TENM3: variants seen among roughly 807,000 people sequenced by gnomAD.
TENM3 encodes the protein teneurin transmembrane protein 3, also known as teneurin-3.
TENM3 carries 63 observed loss-of-function variants against 255.1 expected under a neutral mutation model. The ratio of observed to expected loss-of-function variants is 0.25; its 90% confidence interval spans 0.20 to 0.30. The LOEUF (loss-of-function observed/expected upper bound fraction) is 0.30. Ranked by LOEUF, TENM3 falls within the 10% of genes least tolerant of loss-of-function variation. The pLI is 1.00. For synonymous variants in TENM3, 1,306 were observed against 1,322.3 expected (o/e 0.99, Z 0.27); for missense variants, 2,929 against 3,461.1 (o/e 0.85, Z 3.86).
intron 3 of TENM3, among the ~76,000 whole-genome samples, chr4:182,493,757 A>G (rs542053832): frequency 6.6e-6 from 1 of 152,136 alleles, no homozygotes; most frequent in African/African-American, 2.4e-5. Context: ...TAATGCTAAG[A>G]CTTGATTTCA....
rs147743117 is a variant in TENM3 at position 182,661,517 on chromosome 4, G to A, written c.1111+7624G>A. ...CATAGTACTTGTGTTATTACAATGT[G>A]TAATAGCTCCTTAATTAGATGCTAT... is the stretch of plus-strand genomic sequence containing the variant. On this transcript the variant is annotated intron_variant, in intron 6 of 27. Coordinates refer to ENST00000511685, the MANE Select transcript of TENM3 (RefSeq NM_001080477.4). Among the ~76,000 whole-genome samples, 12 of 152,230 alleles carry A rather than the reference G, an allele frequency of 7.9e-5. No homozygotes were observed. In the East Asian group the frequency reaches 2.3e-3, roughly 29 times the overall value.
intron 3 of TENM3, among the ~76,000 whole-genome samples, chr4:182,526,713 T>C (rs1002209128): frequency 6.6e-6 from 1 of 152,234 alleles, no homozygotes; most frequent in Non-Finnish European, 1.5e-5. Context: ...ACTAATTTAC[T>C]GTGGAGCCTC....
chr4:181,641,784 CATATATATATACACACACACCATAT>C, the TENM3 span, among the ~76,000 whole-genome samples: 1 of 62,968 alleles, frequency 1.6e-5, no homozygotes, highest in African/African-American at 6.4e-5. Context: ...ATACACACAC[CATATATATATACACACACACCATAT>C]ATATATATAT....
chr4:181,530,804 T>G, the TENM3 span, among the ~76,000 whole-genome samples: 1 of 152,216 alleles, frequency 6.6e-6, no homozygotes, highest in Non-Finnish European at 1.5e-5. Context: ...TGTATGTGTG[T>G]GCGTGCATGT....
chr4:181,916,713 C>A, the TENM3 span, among the ~76,000 whole-genome samples: 1 of 151,984 alleles, frequency 6.6e-6, no homozygotes, highest in Non-Finnish European at 1.5e-5. Context: ...CCCGTCTCTA[C>A]TAAAATTACA....
At chr4:182,224,423 G>A (rs1015284236) in intron 1 of TENM3, among the ~76,000 whole-genome samples, 2 of 152,152 alleles carry the variant, frequency 1.3e-5, no homozygotes, top group African/African-American at 2.4e-5. Flanking sequence ...TAGCCTAGCC[G>A]ACTCTGTCAA....
chr4:182,775,038 C>A lies in TENM3; in HGVS notation c.5189C>A (p.Thr1730Lys). ...GTTCTGGCTGGCACCGCTAATCCGACGGTTGCCAAAAGAAACATGACTTTG... is the reference window on the plus strand; with the variant it reads ...GTTCTGGCTGGCACCGCTAATCCGAAGGTTGCCAAAAGAAACATGACTTTG... ...PHVLAGTANPTVAKRNMTLPG... is the reference protein window; with the variant it reads ...PHVLAGTANPKVAKRNMTLPG... Residue 1730 changes from threonine to lysine, a missense_variant, in exon 24 of 28, where the codon ACG becomes AAG. Thr to Lys is a moderately conservative substitution (Grantham distance 78). Transcript: ENST00000511685. 1 of 1,613,974 alleles carries A rather than the reference C, an allele frequency of 6.2e-7. No homozygotes were observed. The highest frequency in any genetic ancestry group is 8.5e-7 in the Non-Finnish European group (1 of 1,179,880).
chr4:181,448,154 A>ATTTTTTTTT, the TENM3 span, among the ~76,000 whole-genome samples: 17 of 90,120 alleles, frequency 1.9e-4, no homozygotes, highest in African/African-American at 6.7e-4. Flanking sequence ...AAATCCAGTA[A>ATTTTTTTTT]TTTTTTTTTT....
At chr4:181,632,845 T>C in the TENM3 span, among the ~76,000 whole-genome samples, 2 of 152,202 alleles carry the variant, frequency 1.3e-5, no homozygotes, top group African/African-American at 4.8e-5. Context: ...CCCTTTTGAG[T>C]TGGAAATCTC....
intron 4 of TENM3, among the ~76,000 whole-genome samples, chr4:182,612,886 T>C (rs948670469): frequency 6.6e-6 from 1 of 152,226 alleles, no homozygotes; most frequent in African/African-American, 2.4e-5. Flanking sequence ...TTCTGCCTTG[T>C]TTTGTTTTGT....
the TENM3 span, among the ~76,000 whole-genome samples, chr4:181,751,837 T>A: frequency 6.6e-6 from 1 of 152,144 alleles, no homozygotes; most frequent in Non-Finnish European, 1.5e-5. Flanking sequence ...TTTGTCATGA[T>A]CTTTTGTTGG....
chr4:181,605,596 A>AGAAAGAAAGAAAGAAAG, the TENM3 span, among the ~76,000 whole-genome samples: 2 of 131,196 alleles, frequency 1.5e-5, no homozygotes, highest in African/African-American at 5.4e-5. Flanking sequence ...AAAGAAAGAA[A>AGAAAGAAAGAAAGAAAG]GAAAGAAAGA....
At chr4:181,974,156 A>G in the TENM3 span, among the ~76,000 whole-genome samples, 8 of 152,328 alleles carry the variant, frequency 5.3e-5, no homozygotes, top group African/African-American at 1.9e-4. Context: ...GGCTTGTCTC[A>G]GTCATTGGCT....
the TENM3 span, among the ~76,000 whole-genome samples, chr4:181,702,687 C>T: frequency 6.6e-6 from 1 of 152,036 alleles, no homozygotes; most frequent in African/African-American, 2.4e-5. Flanking sequence ...ATAATGTAAA[C>T]ATATAAAAAC....
chr4:182,057,996 A>G, the TENM3 span, among the ~76,000 whole-genome samples: 2 of 152,102 alleles, frequency 1.3e-5, no homozygotes, highest in African/African-American at 2.4e-5. Flanking sequence ...TTAAATATCT[A>G]AAAGAGCCAT....
chr4:182,118,647 T>G, the TENM3 span, among the ~76,000 whole-genome samples: 2 of 152,172 alleles, frequency 1.3e-5, no homozygotes, highest in South Asian at 4.1e-4. Context: ...GTTCCTAGTT[T>G]ACTGAGAGGT....
chr4:181,461,923 G>T, the TENM3 span, among the ~76,000 whole-genome samples: 2 of 118,686 alleles, frequency 1.7e-5, no homozygotes, highest in African/African-American at 6.4e-5. Flanking sequence ...TAGTAATTTT[G>T]AATTGAATGC....
the TENM3 span, among the ~76,000 whole-genome samples, chr4:181,794,537 A>G: frequency 1.3e-5 from 2 of 152,058 alleles, no homozygotes; most frequent in African/African-American, 4.8e-5. Flanking sequence ...GAGATCCTGC[A>G]GTATTTGTTT....
the TENM3 span, among the ~76,000 whole-genome samples, chr4:181,828,534 C>T: frequency 6.6e-6 from 1 of 152,178 alleles, no homozygotes; most frequent in African/African-American, 2.4e-5. Flanking sequence ...CAGGATTACA[C>T]ACTGTAAATG....
Sources: allele counts gnomAD v4.1 joint callset (sites outside exome capture counted in the v4.1 genomes callset), GRCh38; gene constraint gnomAD v4.1.1; transcripts MANE v1.5; gene names NCBI Gene and HGNC (gene_info 2026-07-23, HGNC 2026-07-21).